EBF3: variants seen among roughly 807,000 people sequenced by gnomAD.
EBF3 encodes the protein EBF transcription factor 3, also known as transcription factor COE3.
In EBF3, 18 loss-of-function variants were observed where a neutral mutation model predicts 77.1. The observed-to-expected ratio is 0.23, with a 90% CI of 0.16 to 0.35. The LOEUF (loss-of-function observed/expected upper bound fraction) is 0.35, where lower values mean the gene tolerates loss of function less well. EBF3 is among the 10% of genes least tolerant of loss of function. The probability of loss-of-function intolerance (pLI) is 1.00; values close to 1 mark genes in which losing one functional copy is unlikely to be tolerated. For missense variants in EBF3, 558 were observed against 860.0 expected (o/e 0.65, Z 4.39); for synonymous variants, 350 against 343.5 (o/e 1.02, Z -0.21).
rs542133613 is a variant in EBF3, at chr10:129,876,700, T to G, written c.636+1068A>C. Among the ~76,000 whole-genome samples, 7 of 152,342 alleles carry G rather than the reference T, an allele frequency of 4.6e-5. No individual in the cohort carries two copies. In the South Asian group the frequency reaches 1.4e-3, roughly 32 times the overall value. On this transcript the variant is annotated intron_variant, in intron 7 of 16. Coordinates refer to ENST00000440978, the MANE Select transcript of EBF3 (RefSeq NM_001375380.1). ...TCATTCATCCAAGCTAGTGGTCATT[T>G]CCATTAGCCGCCAAATTCTTCTCTG...
chr10:129,955,671 T>C (rs1187748207), intron 6 of EBF3, among the ~76,000 whole-genome samples: 2 of 152,208 alleles, frequency 1.3e-5, no homozygotes, highest in African/African-American at 2.4e-5. Context: ...AAATCCAAAG[T>C]GATTTTGAAG....
Position 129,964,227 on chromosome 10 carries a change from C to T in EBF3, c.-459G>A. The T allele has an allele frequency of 1.0e-6, 1 of 984,918 alleles. No homozygotes were observed. The highest frequency in any genetic ancestry group is 1.2e-6 in the Non-Finnish European group (1 of 829,794). 61.0% of individuals were successfully genotyped at this position (984,918 alleles called of 1,614,324 possible). A position where few individuals can be genotyped will look rare whatever the true frequency, so the allele number is the denominator to read the frequency against. On this transcript the variant is annotated 5_prime_UTR_variant, in exon 1 of 17. Coordinates refer to ENST00000440978, the MANE Select transcript of EBF3 (RefSeq NM_001375380.1). This position sits in a 1 kb window ranked among gnomAD's most constrained non-coding sequence, Gnocchi z 4.5. Reference sequence around the variant, plus strand: ...GCGCGGCGGGGCCTGGAGCGGCGCGCGCAGCGGACGGAGGCGCACAAAACT... The same window carrying T: ...GCGCGGCGGGGCCTGGAGCGGCGCGTGCAGCGGACGGAGGCGCACAAAACT...
chr10:129,876,225 G>A (rs1564847046), intron 7 of EBF3, among the ~76,000 whole-genome samples: 2 of 152,170 alleles, frequency 1.3e-5, no homozygotes, highest in South Asian at 4.1e-4. Context: ...ATCCTCCTAG[G>A]TCAGTTACAC....
chr10:129,913,362 G>A (rs1855655056), intron 6 of EBF3, among the ~76,000 whole-genome samples: 1 of 152,256 alleles, frequency 6.6e-6, no homozygotes, highest in African/African-American at 2.4e-5. Context: ...TGCTCCAGAG[G>A]TCCCTAAATG....
intron 6 of EBF3, among the ~76,000 whole-genome samples, chr10:129,894,673 T>G (rs1854248500): frequency 6.6e-6 from 1 of 152,130 alleles, no homozygotes; most frequent in African/African-American, 2.4e-5. Flanking sequence ...GCTCTCCCAA[T>G]AGCCTGGATG....
At chr10:129,960,819 A>C (rs900473033) in intron 4 of EBF3, among the ~76,000 whole-genome samples, 1 of 152,076 alleles carries the variant, frequency 6.6e-6, no homozygotes, top group East Asian at 1.9e-4. Flanking sequence ...CCTCTTAATT[A>C]GACTATAGCG....
chr10:129,843,853 CGA>C (rs933186250), intron 11 of EBF3, among the ~76,000 whole-genome samples: 4 of 152,200 alleles, frequency 2.6e-5, no homozygotes, highest in Non-Finnish European at 4.4e-5. Flanking sequence ...CTTCACATTC[CGA>C]GAGTGTGCGC....
rs558350001 is a variant in EBF3, at chr10:129,959,783, C to A, written c.412-776G>T. Among the ~76,000 whole-genome samples the A allele has an allele frequency of 1.2e-3, 175 of 151,954 alleles. 4 individuals carry two copies. In the South Asian group the frequency reaches 0.025, roughly 22 times the overall value. On this transcript the variant is annotated intron_variant, in intron 4 of 16. Transcript: ENST00000440978. ...CAACCGCACGTGGGCCGCGGCGTCG[C>A]CAGCGCCCCGCAGGAGTGCCGGGGC...
chr10:129,876,100 T>C (rs1375565436), intron 7 of EBF3, among the ~76,000 whole-genome samples: 2 of 151,920 alleles, frequency 1.3e-5, no homozygotes, highest in East Asian at 1.9e-4. Flanking sequence ...GGGTAAAGAG[T>C]GTAGTTCAGC....
intron 6 of EBF3, among the ~76,000 whole-genome samples, chr10:129,949,896 C>A (rs1858526531): frequency 1.3e-5 from 2 of 151,994 alleles, no homozygotes; most frequent in South Asian, 4.2e-4. Flanking sequence ...CTTTTAGGGC[C>A]TTAAACACTG....
In EBF3 at chr10:129,868,021, G is replaced by A. The variant is rs59127166; in HGVS notation, c.782-109C>T. On this transcript the variant is annotated intron_variant, in intron 8 of 16. Coordinates refer to ENST00000440978, the MANE Select transcript of EBF3 (RefSeq NM_001375380.1). Reference sequence around the variant, plus strand: ...GCCACCGCGGGAGGAGAGGCGCGCCGTTCCTCCAGGCGGCACGCAAAGGGC... The same window carrying A: ...GCCACCGCGGGAGGAGAGGCGCGCCATTCCTCCAGGCGGCACGCAAAGGGC... 0.013 allele frequency: 18,569 copies of A among 1,470,248 alleles called. 1,355 individuals carry two copies. The African/African-American group carries it at 0.18, about 14-fold the overall frequency. The allele number at this position is 1,470,248 out of a possible 1,614,324, so 91.1% of individuals were successfully genotyped here.
chr10:129,941,840 A>C (rs1013104041), intron 6 of EBF3, among the ~76,000 whole-genome samples: 1 of 152,080 alleles, frequency 6.6e-6, no homozygotes, highest in African/African-American at 2.4e-5. Context: ...TGCAGAGGCC[A>C]AAACTGCCAA....
intron 6 of EBF3, among the ~76,000 whole-genome samples, chr10:129,889,818 A>AT (rs1853882506): frequency 6.6e-6 from 1 of 151,396 alleles, no homozygotes; most frequent in South Asian, 2.1e-4. Flanking sequence ...AAAAAAAAAA[A>AT]AATGCAAACC....
intron 6 of EBF3, among the ~76,000 whole-genome samples, chr10:129,945,132 CAGGGA>C (rs1273802612): frequency 1.7e-4 from 4 of 23,724 alleles, no homozygotes; most frequent in Non-Finnish European, 2.3e-4. Context: ...AAGGGAGGGG[CAGGGA>C]GGGGAGGGGA....
chr10:129,840,094 C>A, intron 15 of EBF3, 151 bp downstream of exon 15: 1 of 1,020,148 alleles, frequency 9.8e-7, no homozygotes, highest in South Asian at 1.7e-5. Flanking sequence ...GCTGTGAACA[C>A]CAGGCAGAGG....
rs1854470977 is a variant in EBF3 at position 129,897,390 on chromosome 10, G to A, written c.555-19541C>T. ...TGTGGAACCAGAGCAGAGCCCAGCG[G>A]TGCCACCCATCTGGAAGGCGGTGCT... On this transcript the variant is annotated intron_variant, in intron 6 of 16. Coordinates refer to ENST00000440978, the MANE Select transcript of EBF3 (RefSeq NM_001375380.1). This position sits in a 1 kb window ranked among gnomAD's most constrained non-coding sequence, Gnocchi z 4.6. Among the ~76,000 whole-genome samples, 1 of 152,276 alleles carries A rather than the reference G, an allele frequency of 6.6e-6. No homozygotes were observed. The highest frequency in any genetic ancestry group is 2.1e-4 in the South Asian group (1 of 4,822).
Position 129,963,909 on chromosome 10 carries a change from C to A in EBF3, c.-141G>T, listed in dbSNP as rs1201413472. ...GGTCCGGCCCCGCCGCCGGCTTCAG[C>A]CCGTCCCGGGCAGGCGCGACATACA... On this transcript the variant is annotated 5_prime_UTR_variant, in exon 1 of 17. Transcript: ENST00000440978. This position sits in a 1 kb window ranked among gnomAD's most constrained non-coding sequence, Gnocchi z 7.1. 2 of 1,132,458 alleles carry A rather than the reference C, an allele frequency of 1.8e-6. No individual in the cohort carries two copies. The highest frequency in any genetic ancestry group is 2.2e-6 in the Non-Finnish European group (2 of 927,842). 70.2% of individuals were successfully genotyped at this position (1,132,458 alleles called of 1,614,324 possible).
intron 5 of EBF3, among the ~76,000 whole-genome samples, 177 bp downstream of exon 5, chr10:129,958,757 G>C (rs895827692): frequency 1.4e-4 from 22 of 152,256 alleles, no homozygotes; most frequent in African/African-American, 5.1e-4. Context: ...CGTCAGCGCT[G>C]GGGGGAAGGA....
chr10:129,841,755 C>T lies in EBF3; in HGVS notation c.1372+361G>A, dbSNP rs565341026. On this transcript the variant is annotated intron_variant, in intron 13 of 16. Transcript: ENST00000440978. This position sits in a 1 kb window ranked among gnomAD's most constrained non-coding sequence, Gnocchi z 4.6. ...CCCAAATCCCGCCGTGCAGTGCGTC[C>T]AAGCAGGCTCCCCTCAGCTCCCTAG... 7.2e-5 allele frequency among the ~76,000 whole-genome samples: 11 copies of T among 152,250 alleles called. No individual in the cohort carries two copies. The highest frequency in any genetic ancestry group is 1.6e-4 in the Non-Finnish European group (11 of 68,014).
Sources: gnomAD v4.1 joint callset for allele counts (sites outside exome capture counted in the v4.1 genomes callset) on GRCh38, gnomAD v4.1.1 for gene constraint, Gnocchi (gnomAD v3.1) non-coding constraint, MANE v1.5 for transcripts, NCBI Gene and HGNC (gene_info 2026-07-23, HGNC 2026-07-21) for gene names.